The following MAN1A2 variants were observed in gnomAD, a reference collection of about 807,000 sequenced individuals.
MAN1A2 encodes mannosyl-oligosaccharide 1,2-alpha-mannosidase IB.
In MAN1A2, 26 loss-of-function variants were observed where a neutral mutation model predicts 75.7. The ratio of observed to expected loss-of-function variants is 0.34; its 90% CI spans 0.25 to 0.48. MAN1A2 has a LOEUF of 0.48. MAN1A2 is among the 20% of genes least tolerant of loss of function. The probability of loss-of-function intolerance (pLI) is 0.99; values close to 1 mark genes in which losing one functional copy is unlikely to be tolerated. For missense variants in MAN1A2, 562 were observed against 775.5 expected (o/e 0.72, Z 3.27); for synonymous variants, 247 against 264.6 (o/e 0.93, Z 0.65).
intron 6 of MAN1A2, among the ~76,000 whole-genome samples, chr1:117,444,826 A>G (rs1649165342): frequency 6.6e-6 from 1 of 151,974 alleles, no homozygotes; most frequent in African/African-American, 2.4e-5. Context: ...ATAAGTTTTA[A>G]GCTTATATAT....
intron 5 of MAN1A2, among the ~76,000 whole-genome samples, chr1:117,439,533 G>A (rs1648957826): frequency 6.6e-6 from 1 of 150,718 alleles, no homozygotes; most frequent in Admixed American, 6.6e-5. Flanking sequence ...TTGCTCTGTT[G>A]CCCAGGCTGG....
intron 1 of MAN1A2, among the ~76,000 whole-genome samples, chr1:117,371,169 T>C (rs1652953269): frequency 6.6e-6 from 1 of 152,236 alleles, no homozygotes; most frequent in African/African-American, 2.4e-5. Context: ...GGAATATTTT[T>C]ATTCGGAATC....
Position 117,528,123 on chromosome 1 carries a change from A to G in MAN1A2, c.*5166A>G, listed in dbSNP as rs2101040193. 2 of 152,210 alleles carry G rather than the reference A, an allele frequency of 1.3e-5. No homozygotes were observed. The highest frequency in any genetic ancestry group is 4.8e-5 in the African/African-American group (2 of 41,562). 9.4% of individuals were successfully genotyped at this position (152,210 alleles called of 1,614,324 possible). On this transcript the variant is annotated 3_prime_UTR_variant, in exon 13 of 13. Coordinates refer to ENST00000356554, the MANE Select transcript of MAN1A2 (RefSeq NM_006699.5). ...CCTCATCCTTAAACTTCCACTATTT[A>G]ACAGCTAATCCATTTCAAACTTGGT... is the stretch of plus-strand genomic sequence containing the variant.
At chr1:117,385,014 G>T (rs1462271805) in intron 1 of MAN1A2, among the ~76,000 whole-genome samples, 1 of 152,136 alleles carries the variant, frequency 6.6e-6, no homozygotes, top group African/African-American at 2.4e-5. Context: ...ACTTACTGAT[G>T]CTGTCTGGCT....
At chr1:117,492,515 C>T (rs544980581) in intron 8 of MAN1A2, among the ~76,000 whole-genome samples, 2 of 152,122 alleles carry the variant, frequency 1.3e-5, no homozygotes, top group East Asian at 3.9e-4. Flanking sequence ...GCAATATTTG[C>T]TACATTGCAG....
intron 4 of MAN1A2, among the ~76,000 whole-genome samples, 197 bp downstream of exon 4, chr1:117,415,028 T>TTTTTTTTTTTTTTCCAA (rs1647944823): frequency 6.6e-6 from 1 of 151,952 alleles, no homozygotes; most frequent in Non-Finnish European, 1.5e-5. Flanking sequence ...GGAAAAAATA[T>TTTTTTTTTTTTTTCCAA]ATATATATAT....
At position 117,493,257 on chromosome 1, in the gene MAN1A2, A is replaced by G. The variant is rs769188550; in HGVS notation, c.1279A>G (p.Ile427Val). ...GGCAAGAAAGATGTATGATGATGCT[A>G]TTGAGGTGATTATTTCCAGAACATT... The part of the protein sequence containing the change: ...HEARKMYDDA[I>V]EAIEKHLIKK... The change falls in exon 9 of 13, where the codon ATT (isoleucine) becomes GTT (valine). Residue 427 changes from isoleucine to valine, a missense_variant. By Grantham distance (29) the Ile-to-Val change is conservative (BLOSUM62 3). This residue lies in a region of MAN1A2 where 434 missense variants were observed against 645.7 expected (regional missense o/e 0.67). Transcript: ENST00000356554. 2 of 1,588,854 alleles carry G rather than the reference A, an allele frequency of 1.3e-6. No homozygotes were observed. Among genetic ancestry groups the G allele is most frequent in the East Asian group, 4.5e-5 (2 of 44,402 alleles).
At chr1:117,446,542 T>A (rs1203731798) in intron 6 of MAN1A2, among the ~76,000 whole-genome samples, 1 of 152,166 alleles carries the variant, frequency 6.6e-6, no homozygotes, top group African/African-American at 2.4e-5. Flanking sequence ...TTTTCTTCAA[T>A]GCATTAGTTT....
rs1651912046 is a variant in MAN1A2 at position 117,523,035 on chromosome 1, T to C, written c.*78T>C. 11 of 1,534,912 alleles carry C rather than the reference T, an allele frequency of 7.2e-6. No individual in the cohort carries two copies. The South Asian group carries it at 9.1e-5, about 13-fold the overall frequency. Reference sequence around the variant, plus strand: ...ACAGAAATTAGTTTGAAGGGGCGGCTTTTGAAAACCTGGACCTCTATGTCA... The same window carrying C: ...ACAGAAATTAGTTTGAAGGGGCGGCCTTTGAAAACCTGGACCTCTATGTCA... On this transcript the variant is annotated 3_prime_UTR_variant, in exon 13 of 13. Transcript: ENST00000356554.
intron 6 of MAN1A2, among the ~76,000 whole-genome samples, chr1:117,460,248 GA>G (rs1196670479): frequency 6.6e-6 from 1 of 152,160 alleles, no homozygotes; most frequent in Non-Finnish European, 1.5e-5. Context: ...GGAGCCTGAT[GA>G]GGTGAATGGA....
At chr1:117,497,502 C>T (rs1290545) in intron 10 of MAN1A2, among the ~76,000 whole-genome samples, 129,134 of 151,864 alleles carry the variant, frequency 0.85, 55,225 homozygotes, top group East Asian at 0.94. Context: ...TGACATTGCA[C>T]TGGGCAAATA....
intron 8 of MAN1A2, among the ~76,000 whole-genome samples, chr1:117,477,502 T>C (rs1650358030): frequency 6.6e-6 from 1 of 151,980 alleles, no homozygotes; most frequent in African/African-American, 2.4e-5. Context: ...TCAATAAACA[T>C]AATCCATCAC....
intron 7 of MAN1A2, among the ~76,000 whole-genome samples, chr1:117,464,167 A>G (rs1433547257): frequency 6.6e-6 from 1 of 151,582 alleles, no homozygotes; most frequent in Non-Finnish European, 1.5e-5. Context: ...GGAATTCGAG[A>G]CAAGCCTGGG....
In MAN1A2 at chr1:117,402,276, G is replaced by T. The variant is rs1647460388; in HGVS notation, c.393G>T (p.Glu131Asp). ...AAGAAAAATTAAGAAAGTCAAGAGA[G>T]GAAATTCGAGCAGAAATTCAGACAG... ...EAKEKLRKSREEIRAEIQTEK... is the reference protein window; with the variant it reads ...EAKEKLRKSRDEIRAEIQTEK... Residue 131 changes from glutamate to aspartate, a missense_variant, in exon 2 of 13, where the codon GAG (glutamate) becomes GAT (aspartate). Around this residue, in one of 2 missense-constraint regions of MAN1A2, gnomAD observed 434 missense variants for 645.7 expected, o/e 0.67. Coordinates refer to ENST00000356554, the MANE Select transcript of MAN1A2 (RefSeq NM_006699.5). 1 of 1,613,646 alleles carries T rather than the reference G, an allele frequency of 6.2e-7. No individual in the cohort carries two copies. The highest frequency in any genetic ancestry group is 1.3e-5 in the African/African-American group (1 of 74,882).
intron 1 of MAN1A2, among the ~76,000 whole-genome samples, chr1:117,374,787 A>C (rs1653086250): frequency 6.6e-6 from 1 of 152,204 alleles, no homozygotes; most frequent in Non-Finnish European, 1.5e-5. Flanking sequence ...AATACAAGTA[A>C]TTTTATGAAG....
At chr1:117,412,022 C>A (rs530392064) in intron 3 of MAN1A2, among the ~76,000 whole-genome samples, 1 of 151,602 alleles carries the variant, frequency 6.6e-6, no homozygotes, top group Non-Finnish European at 1.5e-5. Context: ...GATTTTTTTC[C>A]GCCAATGATA....
chr1:117,465,837 T>G (rs562196441), intron 7 of MAN1A2, among the ~76,000 whole-genome samples: 10 of 152,176 alleles, frequency 6.6e-5, no homozygotes. Context: ...CTTAAAGATA[T>G]CTATTGTGGG....
chr1:117,445,331 GGT>G (rs1649176766), intron 6 of MAN1A2, among the ~76,000 whole-genome samples: 1 of 151,986 alleles, frequency 6.6e-6, no homozygotes, highest in East Asian at 1.9e-4. Context: ...GTCAGATTTT[GGT>G]GTGAGTTACC....
intron 5 of MAN1A2, among the ~76,000 whole-genome samples, chr1:117,436,914 G>T (rs1429550061): frequency 6.6e-6 from 1 of 152,182 alleles, no homozygotes; most frequent in Admixed American, 6.5e-5. Context: ...TGACTTATTA[G>T]CTTGCAAATA....
Sources: allele counts gnomAD v4.1 joint callset (sites outside exome capture counted in the v4.1 genomes callset), GRCh38; gene constraint gnomAD v4.1.1; regional missense constraint gnomAD v4.1.1; transcripts MANE v1.5; gene names NCBI Gene and HGNC (gene_info 2026-07-23, HGNC 2026-07-21).